Variants in SBF2 observed in about 807,000 individuals in gnomAD.
The protein encoded by SBF2 is myotubularin-related protein 13.
Under a neutral mutation model 225.2 loss-of-function variants are expected in SBF2, and 112 were observed. The observed-to-expected ratio is 0.50, with a 90% CI of 0.43 to 0.58. The LOEUF is 0.58. Ranked by LOEUF, SBF2 falls within the 20% of genes least tolerant of loss-of-function variation. SBF2 has a pLI of 0.00. For synonymous variants in SBF2, 763 were observed against 773.3 expected (o/e 0.99, Z 0.22); for missense variants, 1,996 against 2,206.2 (o/e 0.90, Z 1.91).
intron 17 of SBF2, among the ~76,000 whole-genome samples, chr11:9,895,654 A>T (rs895770018): frequency 1.3e-5 from 2 of 152,182 alleles, no homozygotes; most frequent in African/African-American, 4.8e-5. Flanking sequence ...TGGGGAAAAA[A>T]CATGTAAACA....
intron 36 of SBF2, among the ~76,000 whole-genome samples, chr11:9,787,096 A>G (rs1035755450): frequency 2.6e-5 from 4 of 152,100 alleles, no homozygotes; most frequent in Non-Finnish European, 5.9e-5. Context: ...GGGTTTCACC[A>G]TGTTGGCCAG....
intron 16 of SBF2, among the ~76,000 whole-genome samples, chr11:9,902,150 G>A (rs756961348): frequency 5.1e-4 from 77 of 152,266 alleles, no homozygotes; most frequent in Non-Finnish European, 8.7e-4. Context: ...GACTTTCTCA[G>A]CTGTGGGAGA....
intron 1 of SBF2, among the ~76,000 whole-genome samples, chr11:10,264,667 G>T (rs897814344): frequency 6.6e-6 from 1 of 151,900 alleles, no homozygotes; most frequent in Admixed American, 6.5e-5. Context: ...TACATGCTAC[G>T]ATGGTTTGCT....
At chr11:10,289,462 G>C (rs1158935296) in intron 1 of SBF2, among the ~76,000 whole-genome samples, 5 of 152,126 alleles carry the variant, frequency 3.3e-5, no homozygotes, top group Admixed American at 2.6e-4. Context: ...GCCTGGAGCA[G>C]GGGCTCCAGG....
At chr11:10,281,303 G>T (rs1565431982) in intron 1 of SBF2, among the ~76,000 whole-genome samples, 1 of 152,166 alleles carries the variant, frequency 6.6e-6, no homozygotes, top group Non-Finnish European at 1.5e-5. Context: ...CTTGGCCCAA[G>T]ATGGCTGCTG....
intron 2 of SBF2, among the ~76,000 whole-genome samples, chr11:10,152,994 G>A (rs1052827075): frequency 6.6e-6 from 1 of 152,198 alleles, no homozygotes; most frequent in Non-Finnish European, 1.5e-5. Flanking sequence ...AAGGGTGACA[G>A]TACTATACGA....
At chr11:9,822,969 T>C (rs918841312) in intron 28 of SBF2, among the ~76,000 whole-genome samples, 4 of 152,198 alleles carry the variant, frequency 2.6e-5, no homozygotes, top group Non-Finnish European at 2.9e-5. Context: ...ATACATATCC[T>C]GGAGGTTATT....
At position 9,989,485 on chromosome 11, in the gene SBF2, ATACT is replaced by A. The variant is rs763174480; in HGVS notation, c.1395+8_1395+11del. On this transcript the variant is annotated splice_region_variant and intron_variant, in intron 13 of 39. Transcript: ENST00000256190. ...AAAATTAATGACTGTCTAAATAAATATACTTACTTACATTTTTGAATAGTTGCTC... is the reference window on the plus strand; with the variant it reads ...AAAATTAATGACTGTCTAAATAAATATACTTACATTTTTGAATAGTTGCTC... 22 of 1,454,798 alleles carry A rather than the reference ATACT, an allele frequency of 1.5e-5. No homozygotes were observed. Among genetic ancestry groups the A allele is most frequent in the Non-Finnish European group, 1.8e-5 (19 of 1,038,394 alleles). The allele number at this position is 1,454,798 out of a possible 1,614,324, so 90.1% of individuals were successfully genotyped here. A position where few individuals can be genotyped will look rare whatever the true frequency, so the allele number is the denominator to read the frequency against.
At chr11:10,234,088 A>C (rs1056434400) in intron 1 of SBF2, among the ~76,000 whole-genome samples, 4 of 152,220 alleles carry the variant, frequency 2.6e-5, no homozygotes, top group Non-Finnish European at 5.9e-5. Flanking sequence ...CCAGATTTAA[A>C]ATTATAATTC....
At chr11:10,082,088 G>C (rs1014040606) in intron 2 of SBF2, among the ~76,000 whole-genome samples, 4 of 152,074 alleles carry the variant, frequency 2.6e-5, no homozygotes, top group African/African-American at 9.7e-5. Context: ...GAGCATCAGA[G>C]ACTACTATGA....
At chr11:10,083,548 A>T (rs1295942244) in intron 2 of SBF2, among the ~76,000 whole-genome samples, 2 of 152,196 alleles carry the variant, frequency 1.3e-5, no homozygotes, top group Non-Finnish European at 2.9e-5. Context: ...TCAATGGAAC[A>T]TACCAGAGAA....
intron 2 of SBF2, among the ~76,000 whole-genome samples, chr11:10,086,672 C>T (rs1258732441): frequency 3.3e-5 from 5 of 152,092 alleles, no homozygotes; most frequent in African/African-American, 4.8e-5. Flanking sequence ...ATAATGTCTA[C>T]GTTCACCTTC....
At chr11:9,838,565 T>C (rs1357894817) in intron 26 of SBF2, 2 of 152,226 alleles carry the variant, frequency 1.3e-5, no homozygotes, top group African/African-American at 4.8e-5. Context: ...CTCAAAACTA[T>C]ATTCCCAACT....
chr11:10,097,349 T>TATAAATTTATA (rs1294423098), intron 2 of SBF2, among the ~76,000 whole-genome samples: 5 of 152,336 alleles, frequency 3.3e-5, no homozygotes, highest in African/African-American at 1.2e-4. Flanking sequence ...AATTACTGTC[T>TATAAATTTATA]GTAGTATTTT....
In SBF2 at chr11:9,855,231, A is replaced by AGAGATCT. The variant is rs371844781; in HGVS notation, c.2363+1220_2363+1226dup. ...AAGAAACTCTATATGGGTGGGGGTAAGAGATCTGTGCAGTTGACTGTATGG... is the reference window on the plus strand; with the variant it reads ...AAGAAACTCTATATGGGTGGGGGTAAGAGATCTGAGATCTGTGCAGTTGACTGTATGG... On this transcript the variant is annotated intron_variant, in intron 19 of 39. Transcript: ENST00000256190. 3.9e-4 allele frequency among the ~76,000 whole-genome samples: 59 copies of AGAGATCT among 152,306 alleles called. 1 individual carries two copies. Among genetic ancestry groups the AGAGATCT allele is most frequent in the African/African-American group, 1.1e-3 (46 of 41,562 alleles).
At position 10,055,166 on chromosome 11, in the gene SBF2, T is replaced by C. The variant is rs146333781; in HGVS notation, c.142-12185A>G. Among the ~76,000 whole-genome samples the C allele has an allele frequency of 5.8e-3, 885 of 152,154 alleles. 14 individuals are homozygous for C. Among genetic ancestry groups the C allele is most frequent in the African/African-American group, 0.019 (805 of 41,522 alleles). ...ATCCACCCACCTCAGCCTCCCCAAG[T>C]GCTGAGATTACAGGTGTGAGCCACC... On this transcript the variant is annotated intron_variant, in intron 2 of 39. Coordinates refer to ENST00000256190, the MANE Select transcript of SBF2 (RefSeq NM_030962.4).
At chr11:9,807,506 G>A (rs1263314258) in intron 32 of SBF2, among the ~76,000 whole-genome samples, 1 of 152,158 alleles carries the variant, frequency 6.6e-6, no homozygotes, top group African/African-American at 2.4e-5. Context: ...GTATTCCATG[G>A]TATATATGTA....
chr11:10,289,142 G>A (rs1045423815), intron 1 of SBF2, among the ~76,000 whole-genome samples: 5 of 152,240 alleles, frequency 3.3e-5, no homozygotes, highest in East Asian at 1.9e-4. Context: ...ACCCGGGGGC[G>A]CTGTGACAGC....
At chr11:9,942,895 G>A (rs28373928) in intron 16 of SBF2, among the ~76,000 whole-genome samples, 6 of 59,170 alleles carry the variant, frequency 1.0e-4, no homozygotes, top group Non-Finnish European at 3.7e-5. Context: ...AAAAGAAAGA[G>A]AGAGAGAGAA....
Sources: gnomAD v4.1 joint callset for allele counts (sites outside exome capture counted in the v4.1 genomes callset) on GRCh38, gnomAD v4.1.1 for gene constraint, MANE v1.5 for transcripts, NCBI Gene and HGNC (gene_info 2026-07-23, HGNC 2026-07-21) for gene names.